AATF: variants seen among roughly 807,000 people sequenced by gnomAD.
The protein encoded by AATF is apoptosis antagonizing transcription factor, also known as protein AATF.
A neutral mutation model predicts 63.7 loss-of-function variants in AATF; 48 were observed. The ratio of observed to expected loss-of-function variants is 0.75; its 90% CI spans 0.60 to 0.96. The LOEUF is 0.96. Among genes scored for constraint, AATF ranks in the 40% least tolerant of loss-of-function variants. The pLI, the probability that AATF is intolerant of heterozygous loss-of-function variation, is 0.00. For synonymous variants in AATF, 258 were observed against 247.7 expected (o/e 1.04, Z -0.39); for missense variants, 639 against 685.7 (o/e 0.93, Z 0.76).
Position 36,965,172 on chromosome 17 carries a change from T to G in AATF, c.832+11265T>G, listed in dbSNP as rs964097955. On this transcript the variant is annotated intron_variant, in intron 4 of 11. Coordinates refer to ENST00000619387, the MANE Select transcript of AATF (RefSeq NM_012138.4). ...AACAAATTACCGCAAGCTTGGTGACTTAACAGCACACATTGATTATCGTAT... is the reference window on the plus strand; with the variant it reads ...AACAAATTACCGCAAGCTTGGTGACGTAACAGCACACATTGATTATCGTAT... Among the ~76,000 whole-genome samples, 4 of 152,238 alleles carry G rather than the reference T, an allele frequency of 2.6e-5. No homozygotes were observed. The South Asian group carries it at 6.2e-4, about 24-fold the overall frequency.
intron 10 of AATF, among the ~76,000 whole-genome samples, chr17:37,030,997 C>G (rs1291869181): frequency 6.6e-6 from 1 of 152,130 alleles, no homozygotes; most frequent in Non-Finnish European, 1.5e-5. Flanking sequence ...TGTACCTGTT[C>G]TTTTTTGGGG....
Position 36,986,655 on chromosome 17 carries a change from G to A in AATF, c.871G>A (p.Gly291Ser), listed in dbSNP as rs762174245. The change falls in exon 5 of 12, where the codon GGT becomes AGT. Residue 291 changes from glycine (G) to serine (S), a missense_variant. Gly to Ser is a moderately conservative substitution (Grantham distance 56). Transcript: ENST00000619387. ...TAAAGCATTGTTGAGGTCATTGGTA[G>A]GTCTTCAGGAAGAGTTGCTTTTCCA... ...ALKALLRSLV[G>S]LQEELLFQYP... The A allele has an allele frequency of 6.2e-7, 1 of 1,614,090 alleles. No homozygotes were observed. Among genetic ancestry groups the A allele is most frequent in the East Asian group, 2.2e-5 (1 of 44,878 alleles).
At chr17:36,953,957 G>A in intron 4 of AATF, 50 bp downstream of exon 4, 1 of 1,579,572 alleles carries the variant, frequency 6.3e-7, no homozygotes, top group East Asian at 2.3e-5. Context: ...TTTGTCAAAT[G>A]AAGACAGCTT....
chr17:37,046,099 C>T (rs942125399), intron 11 of AATF: 4 of 151,758 alleles, frequency 2.6e-5, no homozygotes, highest in African/African-American at 4.8e-5. Context: ...AATGTGGTAT[C>T]GATATCTGTA....
At chr17:37,019,229 C>T (rs1055930477) in intron 9 of AATF, among the ~76,000 whole-genome samples, 157 bp downstream of exon 9, 1 of 152,214 alleles carries the variant, frequency 6.6e-6, no homozygotes, top group African/African-American at 2.4e-5. Context: ...ATTGTTTACC[C>T]TACATTGCCT....
intron 8 of AATF, among the ~76,000 whole-genome samples, chr17:37,009,143 G>A (rs1213701711): frequency 6.6e-6 from 1 of 151,770 alleles, no homozygotes; most frequent in Non-Finnish European, 1.5e-5. Context: ...TTGGGTTTTG[G>A]TTTTTGAGAT....
In AATF at chr17:36,950,204, C is replaced by G. The variant is rs890658313; in HGVS notation, c.92-10C>G. Reference sequence around the variant, plus strand: ...GGAGATTCTGTTTACTTTTCCCTCTCCCCCGACAGCCACTGCTGCCAGGGT... The same window carrying G: ...GGAGATTCTGTTTACTTTTCCCTCTGCCCCGACAGCCACTGCTGCCAGGGT... On this transcript the variant is annotated splice_polypyrimidine_tract_variant and intron_variant, in intron 1 of 11. Transcript: ENST00000619387. 1.2e-6 allele frequency: 2 copies of G among 1,610,402 alleles called. No individual in the cohort carries two copies. The highest frequency in any genetic ancestry group is 2.2e-5 in the South Asian group (2 of 90,936).
At position 37,056,646 on chromosome 17, in the gene AATF, C is replaced by T. The variant is rs146936760; in HGVS notation, c.1665C>T (p.Asp555=). 1.2e-5 allele frequency: 19 copies of T among 1,614,104 alleles called. No homozygotes were observed. Among genetic ancestry groups the T allele is most frequent in the African/African-American group, 4.0e-5 (3 of 74,922 alleles). The change falls in exon 12 of 12, where the codon GAC becomes GAT. Residue 555 remains aspartate (D), a synonymous_variant. Transcript: ENST00000619387. ...RSLFGQLHPP[D]EGHGD The stretch of plus-strand genomic sequence containing the variant: ...TTTTTGGCCAGCTCCACCCTCCCGA[C>T]GAAGGCCACGGGGATTGACATCGCC...
At chr17:37,039,030 G>A (rs970182490) in intron 11 of AATF, among the ~76,000 whole-genome samples, 1 of 152,094 alleles carries the variant, frequency 6.6e-6, no homozygotes, top group Admixed American at 6.5e-5. Flanking sequence ...CTAAATATGG[G>A]CATACTCTAC....
At chr17:37,026,418 G>A (rs988030417) in intron 10 of AATF, among the ~76,000 whole-genome samples, 7 of 152,300 alleles carry the variant, frequency 4.6e-5, no homozygotes, top group Admixed American at 1.3e-4. Context: ...TAGCAATAGC[G>A]TAAGAACTAA....
At chr17:36,961,554 T>C (rs1027377146) in intron 4 of AATF, among the ~76,000 whole-genome samples, 2 of 152,208 alleles carry the variant, frequency 1.3e-5, no homozygotes, top group Non-Finnish European at 2.9e-5. Flanking sequence ...TTCATCTCAA[T>C]TGGGACTAGA....
At chr17:36,972,670 C>T in intron 4 of AATF, among the ~76,000 whole-genome samples, 1 of 134,050 alleles carries the variant, frequency 7.5e-6, no homozygotes. Context: ...CTGGAGTAAA[C>T]ATTTTTTTTT....
chr17:36,954,484 CAT>C (rs1487953623), intron 4 of AATF, among the ~76,000 whole-genome samples: 3 of 152,142 alleles, frequency 2.0e-5, no homozygotes, highest in African/African-American at 2.4e-5. Flanking sequence ...TTGGTTGTAT[CAT>C]GTGTTTAAAA....
At chr17:37,010,041 C>T (rs1389450741) in intron 8 of AATF, among the ~76,000 whole-genome samples, 1 of 152,036 alleles carries the variant, frequency 6.6e-6, no homozygotes, top group Non-Finnish European at 1.5e-5. Context: ...ATAATGGTGC[C>T]CTGGATTAGA....
At chr17:37,013,256 A>T (rs530835014) in intron 8 of AATF, among the ~76,000 whole-genome samples, 1 of 152,366 alleles carries the variant, frequency 6.6e-6, no homozygotes, top group Admixed American at 6.5e-5. Context: ...TGCAAATCAA[A>T]GCTGCAATGA....
chr17:37,047,251 C>G (rs576776216), intron 11 of AATF, among the ~76,000 whole-genome samples: 1 of 152,262 alleles, frequency 6.6e-6, no homozygotes, highest in East Asian at 1.9e-4. Flanking sequence ...GAAGGAGCGG[C>G]GCCCCTTTTG....
At chr17:36,988,442 C>G in intron 5 of AATF, 77 bp from the exon 6 acceptor site, 1 of 1,408,674 alleles carries the variant, frequency 7.1e-7, no homozygotes, top group Non-Finnish European at 9.8e-7. Context: ...TATTCTCAGT[C>G]CTTTATGTGA....
intron 4 of AATF, among the ~76,000 whole-genome samples, chr17:36,957,781 G>A (rs943702393): frequency 6.6e-6 from 1 of 152,014 alleles, no homozygotes; most frequent in Admixed American, 6.6e-5. Flanking sequence ...TCTCAATATA[G>A]TCTCTCCTTG....
chr17:37,036,081 C>T (rs2071589902), intron 11 of AATF, among the ~76,000 whole-genome samples: 1 of 152,176 alleles, frequency 6.6e-6, no homozygotes, highest in African/African-American at 2.4e-5. Flanking sequence ...CACACCACCA[C>T]ACTCCACTAA....
Sources: allele counts gnomAD v4.1 joint callset (sites outside exome capture counted in the v4.1 genomes callset), GRCh38; gene constraint gnomAD v4.1.1; transcripts MANE v1.5; gene names NCBI Gene and HGNC (gene_info 2026-07-23, HGNC 2026-07-21).